The following GPR180 variants were observed in gnomAD, a reference collection of about 807,000 sequenced individuals.
GPR180 encodes the protein integral membrane protein GPR180.
In GPR180, 53 loss-of-function variants were observed where a neutral mutation model predicts 52.6. That is an observed-to-expected ratio of 1.01 (90% confidence interval 0.81 to 1.27). GPR180 has a LOEUF of 1.27. Among genes scored for constraint, GPR180 ranks in the 50% most tolerant of loss-of-function variants. GPR180 has a pLI of 0.00. For synonymous variants in GPR180, 200 were observed against 193.1 expected, an observed-to-expected ratio of 1.04 and a Z score of -0.30; for missense variants, 533 against 527.0, an observed-to-expected ratio of 1.01 and a Z score of -0.11.
rs1889573688 is a variant in GPR180 at position 94,602,518 on chromosome 13, GAGA to G, written c.145+447_145+449del. Among the ~76,000 whole-genome samples the G allele has an allele frequency of 2.2e-5, 3 of 136,904 alleles. No individual in the cohort carries two copies. The Admixed American group carries it at 2.3e-4, about 10-fold the overall frequency. The allele number at this position is 136,904 out of a possible 152,430, so 89.8% of individuals were successfully genotyped here. A position where few individuals can be genotyped will look rare whatever the true frequency, so the allele number is the denominator to read the frequency against. ...TTTTTTTTTTAAAGACCAATTTCCT[GAGA>G]CCTACTTGCAACAGAGTGGTTTTGG... On this transcript the variant is annotated intron_variant, in intron 1 of 8. Coordinates refer to ENST00000376958, the MANE Select transcript of GPR180 (RefSeq NM_180989.6).
intron 1 of GPR180, among the ~76,000 whole-genome samples, 170 bp downstream of exon 1, chr13:94,602,242 G>C (rs923270323): frequency 6.6e-6 from 1 of 152,238 alleles, no homozygotes; most frequent in African/African-American, 2.4e-5. Flanking sequence ...GGTGGGATGC[G>C]TTCCTTGCCA....
chr13:94,621,383 C>G, intron 6 of GPR180, 148 bp downstream of exon 6: 1 of 562,594 alleles, frequency 1.8e-6, no homozygotes, highest in Non-Finnish European at 2.9e-6. Context: ...CAATTTGTGT[C>G]ATTTAAAGTA....
rs567281651 is a variant in GPR180 at position 94,634,553 on chromosome 13, A to G, written c.*7382A>G. ...GCATATGGCTTTTGTTTTCTGCATG[A>G]AAACTATTGATTTCTGCATTCTAAT... On this transcript the variant is annotated 3_prime_UTR_variant, in exon 9 of 9. Transcript: ENST00000376958. The G allele has an allele frequency of 6.6e-6, 1 of 152,154 alleles. No homozygotes were observed. The highest frequency in any genetic ancestry group is 2.4e-5 in the African/African-American group (1 of 41,520). 9.4% of individuals were successfully genotyped at this position (152,154 alleles called of 1,614,324 possible).
At chr13:94,624,920 C>T (rs1205347005) in intron 7 of GPR180, among the ~76,000 whole-genome samples, 1 of 151,964 alleles carries the variant, frequency 6.6e-6, no homozygotes, top group Non-Finnish European at 1.5e-5. Context: ...CAACTTCCAT[C>T]TCCTGGGGTC....
In GPR180 at chr13:94,632,190, A is replaced by G. The variant is rs1890007281; in HGVS notation, c.*5019A>G. The G allele has an allele frequency of 6.6e-6, 1 of 152,228 alleles. No individual in the cohort carries two copies. The highest frequency in any genetic ancestry group is 2.1e-4 in the South Asian group (1 of 4,832). 9.4% of individuals were successfully genotyped at this position (152,228 alleles called of 1,614,324 possible). ...GTTATAAGTTATGTTCAGTAGCCTC[A>G]AAGAAGTATGCGAAAACCTTCTAAT... On this transcript the variant is annotated 3_prime_UTR_variant, in exon 9 of 9. Coordinates refer to ENST00000376958, the MANE Select transcript of GPR180 (RefSeq NM_180989.6).
intron 1 of GPR180, among the ~76,000 whole-genome samples, chr13:94,604,722 C>T (rs1889607467): frequency 6.6e-6 from 1 of 152,086 alleles, no homozygotes; most frequent in East Asian, 1.9e-4. Context: ...ACTACAGGCT[C>T]AGCCACCAAG....
intron 2 of GPR180, among the ~76,000 whole-genome samples, chr13:94,610,316 A>G (rs990792080): frequency 6.6e-6 from 1 of 152,302 alleles, no homozygotes; most frequent in South Asian, 2.1e-4. Context: ...TTTTTCTACA[A>G]TTGAGAAAAA....
chr13:94,628,432 A>T lies in GPR180; in HGVS notation c.*1261A>T, dbSNP rs1889954251. 2 of 152,016 alleles carry T rather than the reference A, an allele frequency of 1.3e-5. No homozygotes were observed. The highest frequency in any genetic ancestry group is 4.8e-5 in the African/African-American group (2 of 41,438). The allele number at this position is 152,016 out of a possible 1,614,324, so 9.4% of individuals were successfully genotyped here. ...TTTACTTCTGGCTTATTTTAAAAATATTTTTTATCTATTTACTGTGTGTTT... is the reference window on the plus strand; with the variant it reads ...TTTACTTCTGGCTTATTTTAAAAATTTTTTTTATCTATTTACTGTGTGTTT... On this transcript the variant is annotated 3_prime_UTR_variant, in exon 9 of 9. Transcript: ENST00000376958.
At chr13:94,604,404 A>G (rs1889603272) in intron 1 of GPR180, among the ~76,000 whole-genome samples, 1 of 151,658 alleles carries the variant, frequency 6.6e-6, no homozygotes, top group Admixed American at 6.6e-5. Flanking sequence ...TACTAAAAAT[A>G]CAAAAATTAG....
rs192089347 is a variant in GPR180 at position 94,620,907 on chromosome 13, T to C, written c.737-171T>C. 1.3e-3 allele frequency among the ~76,000 whole-genome samples: 205 copies of C among 152,236 alleles called. 1 individual carries two copies. Among genetic ancestry groups the C allele is most frequent in the Non-Finnish European group, 2.5e-3 (170 of 68,008 alleles). The stretch of plus-strand genomic sequence containing the variant: ...TACAAAATTTATGGCAATTTTTAAA[T>C]CTTTAGAATTATTACCTGCGAATAT... On this transcript the variant is annotated intron_variant, in intron 5 of 8. Transcript: ENST00000376958.
chr13:94,606,536 G>A (rs904170130), intron 2 of GPR180, among the ~76,000 whole-genome samples: 3 of 152,154 alleles, frequency 2.0e-5, no homozygotes, highest in African/African-American at 7.2e-5. Context: ...AAGTTAATTA[G>A]GTGTAGAAGA....
At chr13:94,614,791 T>C (rs1474989236) in intron 3 of GPR180, among the ~76,000 whole-genome samples, 1 of 152,204 alleles carries the variant, frequency 6.6e-6, no homozygotes, top group Non-Finnish European at 1.5e-5. Context: ...TCAGCAACAA[T>C]GTTTAAACAA....
chr13:94,633,656 TCTTTA>T lies in GPR180; in HGVS notation c.*6490_*6494del, dbSNP rs1359709095. The T allele has an allele frequency of 2.6e-5, 4 of 152,090 alleles. No individual in the cohort carries two copies. The highest frequency in any genetic ancestry group is 1.9e-4 in the East Asian group (1 of 5,188). 9.4% of individuals were successfully genotyped at this position (152,090 alleles called of 1,614,324 possible). Reference sequence around the variant, plus strand: ...TGTGTTTCTCAATTTGTGATTTTTCTCTTTACTTTTTTAATGGTGTCTTTTTCTTG... The same window carrying T: ...TGTGTTTCTCAATTTGTGATTTTTCTCTTTTTTAATGGTGTCTTTTTCTTG... On this transcript the variant is annotated 3_prime_UTR_variant, in exon 9 of 9. Coordinates refer to ENST00000376958, the MANE Select transcript of GPR180 (RefSeq NM_180989.6).
intron 6 of GPR180, among the ~76,000 whole-genome samples, chr13:94,621,908 T>C (rs927845068): frequency 6.6e-6 from 1 of 152,190 alleles, no homozygotes; most frequent in African/African-American, 2.4e-5. Flanking sequence ...AAAAAATTTG[T>C]ACTGAGTTTT....
chr13:94,623,483 G>A (rs1889881094), intron 7 of GPR180, among the ~76,000 whole-genome samples, 183 bp downstream of exon 7: 1 of 151,972 alleles, frequency 6.6e-6, no homozygotes, highest in African/African-American at 2.4e-5. Context: ...CCCCCAAGTT[G>A]GAAACCAGCC....
Position 94,627,376 on chromosome 13 carries a change from A to G in GPR180, c.*205A>G, listed in dbSNP as rs1889942177. 2.1e-6 allele frequency: 1 copy of G among 467,482 alleles called. No individual in the cohort carries two copies. The highest frequency in any genetic ancestry group is 4.1e-5 in the South Asian group (1 of 24,576). The allele number at this position is 467,482 out of a possible 1,614,324, so 29.0% of individuals were successfully genotyped here. On this transcript the variant is annotated 3_prime_UTR_variant, in exon 9 of 9. Coordinates refer to ENST00000376958, the MANE Select transcript of GPR180 (RefSeq NM_180989.6). Reference sequence around the variant, plus strand: ...TGTTTTGAAATATACTTAAACAACAAACTTTGAAGAAAGTGTTGTTATAAA... The same window carrying G: ...TGTTTTGAAATATACTTAAACAACAGACTTTGAAGAAAGTGTTGTTATAAA...
At chr13:94,609,483 C>T (rs948462831) in intron 2 of GPR180, among the ~76,000 whole-genome samples, 1 of 152,048 alleles carries the variant, frequency 6.6e-6, no homozygotes, top group East Asian at 1.9e-4. Context: ...AGTAAATCCA[C>T]ATAATTTAAA....
rs1442878579 is a variant in GPR180 at position 94,634,430 on chromosome 13, C to G, written c.*7259C>G. On this transcript the variant is annotated 3_prime_UTR_variant, in exon 9 of 9. Transcript: ENST00000376958. ...TATATATACTTATATATTAAGTAAT[C>G]AGAAGTATGTGTTTCTCAATCACCT... 1 of 151,940 alleles carries G rather than the reference C, an allele frequency of 6.6e-6. No individual in the cohort carries two copies. Among genetic ancestry groups the G allele is most frequent in the Non-Finnish European group, 1.5e-5 (1 of 67,986 alleles). The allele number at this position is 151,940 out of a possible 1,614,324, so 9.4% of individuals were successfully genotyped here.
intron 3 of GPR180, among the ~76,000 whole-genome samples, chr13:94,613,815 A>T (rs1335679657): frequency 6.6e-6 from 1 of 150,928 alleles, no homozygotes; most frequent in East Asian, 1.9e-4. Context: ...GATGGAACCC[A>T]GGTCTACTAA....
Sources: allele counts gnomAD v4.1 joint callset (sites outside exome capture counted in the v4.1 genomes callset), GRCh38; gene constraint gnomAD v4.1.1; transcripts MANE v1.5; gene names NCBI Gene and HGNC (gene_info 2026-07-23, HGNC 2026-07-21).